CNTNAP2: variants seen among roughly 807,000 people sequenced by gnomAD.
CNTNAP2 encodes the protein contactin associated protein 2.
CNTNAP2 carries 98 observed loss-of-function variants against 155.2 expected under a neutral mutation model. That is an observed-to-expected ratio of 0.63 (90% CI 0.54 to 0.75). The LOEUF (loss-of-function observed/expected upper bound fraction) is 0.75, where lower values mean the gene tolerates loss of function less well. CNTNAP2 is among the 30% of genes least tolerant of loss of function. CNTNAP2 has a pLI of 0.00. For missense variants in CNTNAP2, 1,727 were observed against 1,688.1 expected (o/e 1.02, Z -0.40); for synonymous variants, 651 against 631.2 (o/e 1.03, Z -0.47).
intron 8 of CNTNAP2, among the ~76,000 whole-genome samples, chr7:147,156,100 T>A (rs1801921418): frequency 6.6e-6 from 1 of 152,020 alleles, no homozygotes; most frequent in Admixed American, 6.6e-5. Flanking sequence ...TATCATAGAG[T>A]GTAATGCAGA....
intron 1 of CNTNAP2, among the ~76,000 whole-genome samples, chr7:146,622,371 T>C (rs564923899): frequency 1.2e-4 from 19 of 152,102 alleles, no homozygotes; most frequent in African/African-American, 4.1e-4. Context: ...TGTTGGGTAA[T>C]GGTACTTACC....
intron 23 of CNTNAP2, among the ~76,000 whole-genome samples, chr7:148,413,402 AT>A (rs1166703132): frequency 0.23 from 9,154 of 39,398 alleles, 2,809 homozygotes; most frequent in African/African-American, 0.31. Flanking sequence ...CAAAAAAAAA[AT>A]ATATATATAT....
intron 4 of CNTNAP2, among the ~76,000 whole-genome samples, chr7:147,094,539 C>A (rs957062365): frequency 2.6e-5 from 4 of 151,582 alleles, no homozygotes; most frequent in Non-Finnish European, 5.9e-5. Context: ...GTAGCTGGGA[C>A]TACAGGCGTC....
intron 21 of CNTNAP2, among the ~76,000 whole-genome samples, chr7:148,352,400 G>A (rs912710541): frequency 6.6e-6 from 1 of 152,220 alleles, no homozygotes; most frequent in Non-Finnish European, 1.5e-5. Context: ...AAGACTGAAT[G>A]TTCATGCACC....
intron 1 of CNTNAP2, among the ~76,000 whole-genome samples, chr7:146,313,748 CA>C (rs1800863915): frequency 6.6e-6 from 1 of 152,048 alleles, no homozygotes; most frequent in Admixed American, 6.6e-5. Context: ...GCTGTAATCC[CA>C]GCATTGTGGG....
At chr7:146,587,496 A>G (rs545407502) in intron 1 of CNTNAP2, among the ~76,000 whole-genome samples, 2 of 152,086 alleles carry the variant, frequency 1.3e-5, no homozygotes, top group Non-Finnish European at 2.9e-5. Context: ...ACACCGAAGT[A>G]TCTCCACGTC....
At chr7:146,346,283 T>C (rs1794818120) in intron 1 of CNTNAP2, among the ~76,000 whole-genome samples, 1 of 152,184 alleles carries the variant, frequency 6.6e-6, no homozygotes, top group Non-Finnish European at 1.5e-5. Context: ...CATTACCACC[T>C]GAGCTTGGCC....
intron 1 of CNTNAP2, among the ~76,000 whole-genome samples, chr7:146,346,572 C>T (rs567559840): frequency 6.6e-5 from 10 of 152,260 alleles, no homozygotes; most frequent in African/African-American, 2.2e-4. Flanking sequence ...ATCCCAGCTA[C>T]TCAGGAGGCT....
chr7:148,153,837 G>C (rs1805351823), intron 17 of CNTNAP2, among the ~76,000 whole-genome samples: 1 of 152,218 alleles, frequency 6.6e-6, no homozygotes, highest in Non-Finnish European at 1.5e-5. Context: ...ACCACTGCGG[G>C]GAGCCAAGCA....
At chr7:146,891,439 T>C (rs1346628523) in intron 3 of CNTNAP2, among the ~76,000 whole-genome samples, 3 of 152,056 alleles carry the variant, frequency 2.0e-5, no homozygotes, top group Admixed American at 6.6e-5. Context: ...AAAGACAAAT[T>C]TGCACGATGT....
chr7:147,184,143 T>G (rs1458694476), intron 8 of CNTNAP2, among the ~76,000 whole-genome samples: 1 of 152,174 alleles, frequency 6.6e-6, no homozygotes, highest in African/African-American at 2.4e-5. Flanking sequence ...CGGGAAGCTT[T>G]GCCTTCATAG....
intron 1 of CNTNAP2, among the ~76,000 whole-genome samples, chr7:146,628,555 C>T (rs927951242): frequency 1.3e-4 from 19 of 151,800 alleles, no homozygotes; most frequent in African/African-American, 3.4e-4. Flanking sequence ...TTTAGTCATT[C>T]AGAATGTTTA....
intron 8 of CNTNAP2, among the ~76,000 whole-genome samples, chr7:147,248,388 T>TA: frequency 6.6e-6 from 1 of 152,232 alleles, no homozygotes; most frequent in South Asian, 2.1e-4. Flanking sequence ...ACCTCCTAAT[T>TA]GGTGTTCAGG....
intron 1 of CNTNAP2, among the ~76,000 whole-genome samples, chr7:146,679,508 A>C (rs1221902040): frequency 6.6e-6 from 1 of 151,938 alleles, no homozygotes. Flanking sequence ...GGCGCCCGCC[A>C]ACACGCCCAG....
chr7:147,774,926 T>C (rs752829764), intron 13 of CNTNAP2, among the ~76,000 whole-genome samples: 37 of 151,978 alleles, frequency 2.4e-4, no homozygotes, highest in Non-Finnish European at 4.0e-4. Context: ...ACAAAGTCAG[T>C]ATATACCAGA....
rs141669682 is a variant in CNTNAP2 at position 146,700,878 on chromosome 7, C to T, written c.98-73393C>T. On this transcript the variant is annotated intron_variant, in intron 1 of 23. Transcript: ENST00000361727. Reference sequence around the variant, plus strand: ...TATAATCCATCAAATACTGCAGACTCAATATATATTTGCAAGCCAACAAAG... The same window carrying T: ...TATAATCCATCAAATACTGCAGACTTAATATATATTTGCAAGCCAACAAAG... 7.9e-3 allele frequency among the ~76,000 whole-genome samples: 1,207 copies of T among 152,110 alleles called. 12 individuals are homozygous for T. Among genetic ancestry groups the T allele is most frequent in the African/African-American group, 0.028 (1,143 of 41,502 alleles).
chr7:146,580,506 G>A (rs897002013), intron 1 of CNTNAP2, among the ~76,000 whole-genome samples: 1 of 150,496 alleles, frequency 6.6e-6, no homozygotes, highest in African/African-American at 2.4e-5. Flanking sequence ...GATTTAGTAA[G>A]TACTTCGGCA....
At chr7:147,247,220 G>A (rs1308224690) in intron 8 of CNTNAP2, among the ~76,000 whole-genome samples, 1 of 152,120 alleles carries the variant, frequency 6.6e-6, no homozygotes, top group East Asian at 1.9e-4. Context: ...TCTCCTCGGG[G>A]TTCTTAGTAA....
intron 15 of CNTNAP2, among the ~76,000 whole-genome samples, chr7:148,084,507 A>T (rs1803679555): frequency 6.6e-6 from 1 of 152,068 alleles, no homozygotes; most frequent in Admixed American, 6.6e-5. Context: ...CTTTGCTGAA[A>T]ATTCTTTAAA....
Sources: allele counts gnomAD v4.1 joint callset (sites outside exome capture counted in the v4.1 genomes callset), GRCh38; gene constraint gnomAD v4.1.1; transcripts MANE v1.5; gene names NCBI Gene and HGNC (gene_info 2026-07-23, HGNC 2026-07-21).